Variants in SPON1 observed in about 807,000 individuals in gnomAD.
SPON1 encodes the protein spondin-1.
A neutral mutation model predicts 111.7 loss-of-function variants in SPON1; 52 were observed. That is an observed-to-expected ratio of 0.47 (90% confidence interval 0.37 to 0.59). SPON1 has a LOEUF of 0.59. SPON1 is among the 20% of genes least tolerant of loss of function. SPON1 has a pLI of 0.00. For missense variants in SPON1, 957 were observed against 1,068.5 expected, an observed-to-expected ratio of 0.90 and a Z score of 1.46; for synonymous variants, 410 against 395.8, an observed-to-expected ratio of 1.04 and a Z score of -0.43.
chr11:14,231,932 A>ATCC (rs879997881), intron 6 of SPON1, among the ~76,000 whole-genome samples: 80,362 of 151,284 alleles, frequency 0.53, 21,557 homozygotes, highest in East Asian at 0.64. Flanking sequence ...GGATGGTGGG[A>ATCC]TTATAGGGTC....
Position 14,103,602 on chromosome 11 carries a change from C to T in SPON1, c.676+23581C>T, listed in dbSNP as rs71482947. Among the ~76,000 whole-genome samples, 1,013 of 152,312 alleles carry T rather than the reference C, an allele frequency of 6.7e-3. 7 individuals are homozygous for T. Among genetic ancestry groups the T allele is most frequent in the Non-Finnish European group, 0.011 (744 of 68,030 alleles). ...CCTGGGTCAGGATAGCCTTTGATCTCCTCTTTATTTCAGTGTCTCTGTTAG... is the reference window on the plus strand; with the variant it reads ...CCTGGGTCAGGATAGCCTTTGATCTTCTCTTTATTTCAGTGTCTCTGTTAG... On this transcript the variant is annotated intron_variant, in intron 5 of 15. Coordinates refer to ENST00000576479, the MANE Select transcript of SPON1 (RefSeq NM_006108.4).
At chr11:14,168,618 G>A (rs1746540136) in intron 6 of SPON1, among the ~76,000 whole-genome samples, 2 of 151,688 alleles carry the variant, frequency 1.3e-5, no homozygotes, top group Non-Finnish European at 2.9e-5. Flanking sequence ...TCGTCATTTA[G>A]CATTAGGTAT....
At chr11:14,156,058 G>A (rs1234300134) in intron 6 of SPON1, among the ~76,000 whole-genome samples, 1 of 121,016 alleles carries the variant, frequency 8.3e-6, no homozygotes, top group East Asian at 3.0e-4. Context: ...AGATCCCTGA[G>A]GAATCACCAC....
rs577707508 is a variant in SPON1 at position 14,108,029 on chromosome 11, C to T, written c.677-27391C>T. The stretch of plus-strand genomic sequence containing the variant: ...CTATCTCATGAAGCAGTTTTAAAGA[C>T]GACCTAGGTTCAAAGCTAATCTCCA... On this transcript the variant is annotated intron_variant, in intron 5 of 15. Coordinates refer to ENST00000576479, the MANE Select transcript of SPON1 (RefSeq NM_006108.4). 5.3e-5 allele frequency among the ~76,000 whole-genome samples: 8 copies of T among 152,226 alleles called. No homozygotes were observed. The South Asian group carries it at 8.3e-4, about 16-fold the overall frequency.
chr11:14,138,054 A>G (rs1237638343), intron 6 of SPON1, among the ~76,000 whole-genome samples: 5 of 152,246 alleles, frequency 3.3e-5, no homozygotes, highest in African/African-American at 1.2e-4. Context: ...CTGAATAACC[A>G]GAAACTTGTT....
intron 6 of SPON1, among the ~76,000 whole-genome samples, chr11:14,194,728 A>G (rs1336694225): frequency 1.3e-5 from 2 of 152,256 alleles, no homozygotes; most frequent in African/African-American, 4.8e-5. Flanking sequence ...ATTAGTTGTT[A>G]TCAAACTGCA....
chr11:14,156,999 G>A (rs1463827772), intron 6 of SPON1, among the ~76,000 whole-genome samples: 1 of 152,122 alleles, frequency 6.6e-6, no homozygotes, highest in Non-Finnish European at 1.5e-5. Context: ...TTTGGTCGAG[G>A]ACGGAGAGCC....
intron 5 of SPON1, among the ~76,000 whole-genome samples, chr11:14,125,096 C>G (rs1226512859): frequency 1.3e-5 from 2 of 152,188 alleles, no homozygotes; most frequent in Non-Finnish European, 2.9e-5. Context: ...GTTCCCAAGG[C>G]AGCCAAGAAC....
chr11:14,204,172 T>G (rs1483706104), intron 6 of SPON1, among the ~76,000 whole-genome samples: 1 of 152,212 alleles, frequency 6.6e-6, no homozygotes, highest in Non-Finnish European at 1.5e-5. Flanking sequence ...AATTGCTCCA[T>G]GGGCTCGGGC....
intron 6 of SPON1, among the ~76,000 whole-genome samples, chr11:14,225,780 G>T (rs540162761): frequency 3.9e-4 from 60 of 152,124 alleles, no homozygotes; most frequent in Non-Finnish European, 7.5e-4. Flanking sequence ...ACGTCTACAG[G>T]GTTGCAAAAG....
chr11:14,196,501 TA>T (rs561631212), intron 6 of SPON1, among the ~76,000 whole-genome samples: 85 of 151,462 alleles, frequency 5.6e-4, no homozygotes, highest in Middle Eastern at 3.4e-3. Context: ...GCTGCTATTT[TA>T]AAAAAAAATG....
chr11:14,192,601 C>T (rs1019455476), intron 6 of SPON1, among the ~76,000 whole-genome samples: 1 of 152,014 alleles, frequency 6.6e-6, no homozygotes, highest in Non-Finnish European at 1.5e-5. Flanking sequence ...GTTTGTCAGA[C>T]TATTGTCCAA....
intron 11 of SPON1, among the ~76,000 whole-genome samples, 154 bp downstream of exon 11, chr11:14,258,052 G>A (rs563410159): frequency 1.3e-5 from 2 of 152,210 alleles, no homozygotes; most frequent in South Asian, 4.1e-4. Flanking sequence ...CTGCAACAGT[G>A]TCTTGAGGGC....
At chr11:14,258,951 T>C (rs1229708472) in intron 11 of SPON1, among the ~76,000 whole-genome samples, 3 of 152,268 alleles carry the variant, frequency 2.0e-5, no homozygotes, top group Admixed American at 2.0e-4. Flanking sequence ...AAATGGATTA[T>C]GATTTATCTT....
Position 14,041,439 on chromosome 11 carries a change from G to A in SPON1, c.346-82G>A, listed in dbSNP as rs1400158188. On this transcript the variant is annotated intron_variant, in intron 2 of 15. Transcript: ENST00000576479. ...ATAAAATGATAAGTTTAAAAATAAA[G>A]TTAAGGAAGTACCAACTTAGAAGCT... 6.6e-6 allele frequency: 10 copies of A among 1,507,432 alleles called. No homozygotes were observed. In the East Asian group the frequency reaches 2.3e-4, roughly 34 times the overall value. The allele number at this position is 1,507,432 out of a possible 1,614,324, so 93.4% of individuals were successfully genotyped here. A position where few individuals can be genotyped will look rare whatever the true frequency, so the allele number is the denominator to read the frequency against.
In SPON1 at chr11:14,220,402, G is replaced by A. The variant is rs782797334; in HGVS notation, c.826-22930G>A. On this transcript the variant is annotated intron_variant, in intron 6 of 15. Coordinates refer to ENST00000576479, the MANE Select transcript of SPON1 (RefSeq NM_006108.4). ...CTATCTCTGTCTTCAGAAGACCAGC[G>A]TTAAAGTTGACTGATAATCACAGCC... Among the ~76,000 whole-genome samples the A allele has an allele frequency of 7.4e-4, 112 of 152,248 alleles. 3 individuals carry two copies. Among genetic ancestry groups the A allele is most frequent in the Admixed American group, 1.2e-3 (19 of 15,294 alleles).
Position 14,238,955 on chromosome 11 carries a change from C to A in SPON1, c.826-4377C>A, listed in dbSNP as rs183446304. Among the ~76,000 whole-genome samples, 3 of 152,322 alleles carry A rather than the reference C, an allele frequency of 2.0e-5. No individual in the cohort carries two copies. In the East Asian group the frequency reaches 5.8e-4, roughly 29 times the overall value. Reference sequence around the variant, plus strand: ...GAGCTGAGAAGGGGCTCTAAGTATTCTTGAAAGTTCCTGTCTGTGCCTTAG... The same window carrying A: ...GAGCTGAGAAGGGGCTCTAAGTATTATTGAAAGTTCCTGTCTGTGCCTTAG... On this transcript the variant is annotated intron_variant, in intron 6 of 15. Transcript: ENST00000576479.
chr11:14,261,693 T>C (rs1450262207), intron 14 of SPON1, among the ~76,000 whole-genome samples: 1 of 152,156 alleles, frequency 6.6e-6, no homozygotes, highest in Admixed American at 6.5e-5. Context: ...GTAACTAAGA[T>C]TGGCCCATGG....
At chr11:13,983,935 C>A (rs1419565811) in intron 2 of SPON1, among the ~76,000 whole-genome samples, 1 of 152,136 alleles carries the variant, frequency 6.6e-6, no homozygotes, top group African/African-American at 2.4e-5. Flanking sequence ...ATCTTTTAAT[C>A]CTTGTGGCCA....
Sources: gnomAD v4.1 joint callset for allele counts (sites outside exome capture counted in the v4.1 genomes callset) on GRCh38, gnomAD v4.1.1 for gene constraint, MANE v1.5 for transcripts, NCBI Gene and HGNC (gene_info 2026-07-23, HGNC 2026-07-21) for gene names.